TTC6: variants seen among roughly 807,000 people sequenced by gnomAD.
The protein encoded by TTC6 is tetratricopeptide repeat domain 6, also known as tetratricopeptide repeat protein 6.
TTC6 carries 172 observed loss-of-function variants against 210.4 expected under a neutral mutation model. The ratio of observed to expected loss-of-function variants is 0.82; its 90% CI spans 0.72 to 0.93. The LOEUF (loss-of-function observed/expected upper bound fraction) is 0.93. Ranked by LOEUF, TTC6 falls within the 40% of genes least tolerant of loss-of-function variation. The pLI is 0.00. For synonymous variants in TTC6, 804 were observed against 819.6 expected, an observed-to-expected ratio of 0.98 and a Z score of 0.32; for missense variants, 2,414 against 2,318.1, an observed-to-expected ratio of 1.04 and a Z score of -0.85.
At chr14:37,619,156 G>T (rs1402645069), upstream of TTC6, among the ~76,000 whole-genome samples, 1 of 152,144 alleles carries the variant, frequency 6.6e-6, no homozygotes, top group Non-Finnish European at 1.5e-5. Flanking sequence ...CTATGGCCTG[G>T]AAAACTGGCA....
Position 37,663,766 on chromosome 14 carries a change from A to G in TTC6, c.940-16385A>G, listed in dbSNP as rs1406800429. Among the ~76,000 whole-genome samples, 4 of 152,062 alleles carry G rather than the reference A, an allele frequency of 2.6e-5. No homozygotes were observed. In the East Asian group the frequency reaches 7.7e-4, roughly 29 times the overall value. On this transcript the variant is annotated intron_variant, in intron 1 of 30. Coordinates refer to ENST00000553443, the Ensembl canonical transcript of TTC6. ...ACTTTAAAAAACCCTGTTGTCTCAG[A>G]CCAAAAGCTTCTTACATTGATAAGC...
At chr14:37,795,873 C>A (rs1393043983) in intron 18 of TTC6, among the ~76,000 whole-genome samples, 1 of 152,086 alleles carries the variant, frequency 6.6e-6, no homozygotes, top group Non-Finnish European at 1.5e-5. Flanking sequence ...AAAATATAAA[C>A]TTTTAAGGAT....
At chr14:37,646,745 C>T in intron 1 of TTC6, among the ~76,000 whole-genome samples, 1 of 152,110 alleles carries the variant, frequency 6.6e-6, no homozygotes, top group East Asian at 1.9e-4. Context: ...TTCATATATT[C>T]TCTGTATATA....
chr14:37,792,054 T>TA (rs1566957808), intron 16 of TTC6, among the ~76,000 whole-genome samples: 1 of 152,170 alleles, frequency 6.6e-6, no homozygotes, highest in African/African-American at 2.4e-5. Context: ...GCGCAGACCT[T>TA]AAAAACATTA....
At chr14:37,712,428 C>T (rs2095846079) in intron 5 of TTC6, among the ~76,000 whole-genome samples, 1 of 152,288 alleles carries the variant, frequency 6.6e-6, no homozygotes, top group South Asian at 2.1e-4. Context: ...TTCCCCTGTT[C>T]TTTTGTTTTC....
chr14:37,609,121 A>G (rs558313337), intron 2 of TTC6, among the ~76,000 whole-genome samples: 2 of 152,266 alleles, frequency 1.3e-5, no homozygotes, highest in South Asian at 4.2e-4. Flanking sequence ...TCACCTTTTT[A>G]AAATGAAGCT....
In TTC6 at chr14:37,622,179, A is replaced by T; in HGVS notation, c.115A>T (p.Lys39Ter). ...AAAGGATTTTCTCCGATTCAAGCAG[A>T]AGTTGGCCTCCAAGCCGGCTGTAGA... The change falls in exon 1 of 31, where the codon AAG becomes TAG. Residue 39 changes from lysine (K) to a stop codon, truncating the protein, a stop_gained. Coordinates refer to ENST00000553443, the Ensembl canonical transcript of TTC6. LOFTEE classifies it high-confidence loss of function. 6.5e-7 allele frequency: 1 copy of T among 1,535,556 alleles called. No homozygotes were observed. The highest frequency in any genetic ancestry group is 8.7e-7 in the Non-Finnish European group (1 of 1,146,698).
intron 1 of TTC6, among the ~76,000 whole-genome samples, chr14:37,677,463 G>A (rs549102678): frequency 2.4e-4 from 37 of 151,842 alleles, no homozygotes; most frequent in Non-Finnish European, 5.0e-4. Context: ...CTGATTTTCT[G>A]TATATGTGTA....
At chr14:37,788,746 C>G (rs1420001530) in intron 15 of TTC6, among the ~76,000 whole-genome samples, 1 of 152,178 alleles carries the variant, frequency 6.6e-6, no homozygotes, top group East Asian at 1.9e-4. Context: ...AACATCAACA[C>G]AAACCTGTTA....
intron 3 of TTC6, among the ~76,000 whole-genome samples, chr14:37,693,029 A>G (rs2095807280): frequency 6.6e-6 from 1 of 152,100 alleles, no homozygotes; most frequent in Non-Finnish European, 1.5e-5. Flanking sequence ...TCAACATCAT[A>G]CTGGAAGTTC....
chr14:37,664,386 C>T (rs1595078146), intron 1 of TTC6, among the ~76,000 whole-genome samples: 1 of 150,632 alleles, frequency 6.6e-6, no homozygotes, highest in African/African-American at 2.4e-5. Flanking sequence ...AAGCTGACAA[C>T]AAGAAGCAAT....
In TTC6 at chr14:37,823,972, T is replaced by C; in HGVS notation, c.4974+15T>C. ...ATAATTTGCAGGTAATATAGCAACA[T>C]TTTGAGCATTAAAAGCATGTTTTGG... On this transcript the variant is annotated intron_variant, in intron 27 of 30. Coordinates refer to ENST00000553443, the Ensembl canonical transcript of TTC6. The C allele has an allele frequency of 6.2e-7, 1 of 1,608,848 alleles. No individual in the cohort carries two copies. The highest frequency in any genetic ancestry group is 1.1e-5 in the South Asian group (1 of 90,800).
chr14:37,640,742 C>T (rs2095690338), intron 1 of TTC6, among the ~76,000 whole-genome samples: 1 of 152,006 alleles, frequency 6.6e-6, no homozygotes, highest in African/African-American at 2.4e-5. Context: ...GGGGTTTTGC[C>T]ATGTTGCCCA....
At chr14:37,699,292 G>A (rs2095820444) in intron 4 of TTC6, among the ~76,000 whole-genome samples, 1 of 152,172 alleles carries the variant, frequency 6.6e-6, no homozygotes, top group Admixed American at 6.5e-5. Context: ...GCTAACTTCT[G>A]CCATGTGAGA....
In TTC6 at chr14:37,682,789, C is replaced by T. The variant is rs997923694; in HGVS notation, c.1082C>T (p.Ser361Leu). ...CATAAGGAACTTTCTGAAACCATGT[C>T]AAGTATTCTCCAGATTGAACAAGAG... The change falls in exon 3 of 31, where the codon TCA (serine) becomes TTA (leucine). Residue 361 changes from serine (S) to leucine (L), a missense_variant. Coordinates refer to ENST00000553443, the Ensembl canonical transcript of TTC6. 7.2e-6 allele frequency: 11 copies of T among 1,535,434 alleles called. No homozygotes were observed. In the African/African-American group the frequency reaches 1.4e-4, roughly 19 times the overall value.
At chr14:37,639,547 G>A (rs1022435296) in intron 1 of TTC6, among the ~76,000 whole-genome samples, 1 of 151,922 alleles carries the variant, frequency 6.6e-6, no homozygotes, top group East Asian at 1.9e-4. Flanking sequence ...AAATACACAT[G>A]CTATGTATTT....
exon 14 of TTC6, chr14:37,753,218 C>A: frequency 6.5e-7 from 1 of 1,530,004 alleles, no homozygotes; most frequent in Non-Finnish European, 8.7e-7. Flanking sequence ...ATATAGATCA[C>A]CAAAATTCTC....
At chr14:37,712,417 C>A (rs2095846052) in intron 5 of TTC6, among the ~76,000 whole-genome samples, 1 of 152,162 alleles carries the variant, frequency 6.6e-6, no homozygotes. Context: ...GTCCCTAGAC[C>A]TTCCCCTGTT....
chr14:37,715,375 A>G (rs190681482), intron 6 of TTC6, among the ~76,000 whole-genome samples: 1 of 152,298 alleles, frequency 6.6e-6, no homozygotes. Context: ...GCAGAAAGCT[A>G]TAGATTCAGG....
Sources: allele counts gnomAD v4.1 joint callset (sites outside exome capture counted in the v4.1 genomes callset), GRCh38; gene constraint gnomAD v4.1.1; transcripts MANE v1.5; gene names NCBI Gene and HGNC (gene_info 2026-07-23, HGNC 2026-07-21).